TLL1: variants seen among roughly 807,000 people sequenced by gnomAD.
TLL1 encodes tolloid-like protein 1.
In TLL1, 49 loss-of-function variants were observed where a neutral mutation model predicts 128.2. That is an observed-to-expected ratio of 0.38 (90% CI 0.30 to 0.48). The LOEUF is 0.48. TLL1 is among the 20% of genes least tolerant of loss of function. The probability of loss-of-function intolerance (pLI) is 0.96; values close to 1 mark genes in which losing one functional copy is unlikely to be tolerated. For synonymous variants in TLL1, 454 were observed against 418.8 expected, an observed-to-expected ratio of 1.08 and a Z score of -1.03; for missense variants, 1,123 against 1,242.0, an observed-to-expected ratio of 0.90 and a Z score of 1.44.
At chr4:166,011,877 A>G (rs1737711159) in intron 7 of TLL1, among the ~76,000 whole-genome samples, 1 of 151,422 alleles carries the variant, frequency 6.6e-6, no homozygotes, top group Non-Finnish European at 1.5e-5. Flanking sequence ...CTTCTATATC[A>G]GCTAACATGA....
chr4:165,996,435 C>A (rs1736878335), intron 5 of TLL1, among the ~76,000 whole-genome samples: 1 of 151,996 alleles, frequency 6.6e-6, no homozygotes, highest in African/African-American at 2.4e-5. Flanking sequence ...ATGGTGAAAC[C>A]CTGTCTCTAC....
chr4:165,929,927 G>A (rs1733440795), intron 1 of TLL1, among the ~76,000 whole-genome samples: 1 of 152,136 alleles, frequency 6.6e-6, no homozygotes, highest in African/African-American at 2.4e-5. Flanking sequence ...ATATGATTAA[G>A]TTTGAAGTAG....
intron 18 of TLL1, among the ~76,000 whole-genome samples, chr4:166,089,531 A>G (rs1369196968): frequency 1.3e-5 from 2 of 152,148 alleles, no homozygotes; most frequent in African/African-American, 2.4e-5. Context: ...GAGATTAACA[A>G]GTGACACATT....
At chr4:166,051,299 T>TTTCCTTCCTTCTTTCCTTCCTTCCTTCC (rs1739718503) in intron 12 of TLL1, among the ~76,000 whole-genome samples, 2 of 126,420 alleles carry the variant, frequency 1.6e-5, no homozygotes, top group Admixed American at 8.4e-5. Context: ...CCCTCCCTCC[T>TTTCCTTCCTTCTTTCCTTCCTTCCTTCC]TTCCTTCCTT....
intron 1 of TLL1, among the ~76,000 whole-genome samples, chr4:165,956,961 A>G (rs1579540000): frequency 6.6e-6 from 1 of 152,068 alleles, no homozygotes; most frequent in Non-Finnish European, 1.5e-5. Context: ...TGCATCTACA[A>G]AACAACCAGC....
intron 1 of TLL1, among the ~76,000 whole-genome samples, chr4:165,970,697 G>A (rs539202167): frequency 3.9e-5 from 6 of 152,066 alleles, no homozygotes; most frequent in East Asian, 1.9e-4. Flanking sequence ...AATGACACAC[G>A]ATAATGATTC....
chr4:165,961,900 A>T (rs1735124013), intron 1 of TLL1, among the ~76,000 whole-genome samples: 1 of 152,158 alleles, frequency 6.6e-6, no homozygotes, highest in Admixed American at 6.6e-5. Flanking sequence ...AAAGCTTTTG[A>T]TATAATCCTG....
intron 18 of TLL1, among the ~76,000 whole-genome samples, chr4:166,088,171 T>G (rs1741608901): frequency 6.6e-6 from 1 of 152,120 alleles, no homozygotes; most frequent in Non-Finnish European, 1.5e-5. Context: ...CTGTCTCCAT[T>G]GTGAACTTCC....
At chr4:165,983,937 A>G (rs991571673) in intron 1 of TLL1, among the ~76,000 whole-genome samples, 4 of 151,862 alleles carry the variant, frequency 2.6e-5, no homozygotes, top group Non-Finnish European at 5.9e-5. Flanking sequence ...TAACTCATTA[A>G]TAGTACTTTA....
At chr4:166,057,146 T>C in intron 13 of TLL1, 38 bp from the exon 14 acceptor site, 4 of 1,612,124 alleles carry the variant, frequency 2.5e-6, no homozygotes, top group Non-Finnish European at 3.4e-6. Context: ...CACACATATA[T>C]ATGTATAGTT....
At chr4:165,914,646 G>A (rs1016887208) in intron 1 of TLL1, among the ~76,000 whole-genome samples, 1 of 152,178 alleles carries the variant, frequency 6.6e-6, no homozygotes, top group Non-Finnish European at 1.5e-5. Context: ...TCTGTGATGA[G>A]TTCCTCTTGC....
Position 166,091,340 on chromosome 4 carries a change from A to G in TLL1, c.2655A>G (p.Thr885=). The stretch of plus-strand genomic sequence containing the variant: ...AAGGCTTTCAAGCTACACATTCTAC[A>G]GGTCAGCAAATTCAAGTCATGCTTC... The part of the protein sequence containing the change: ...QRKGFQATHS[T]ECGGRLKAES... Residue 885 remains threonine, a splice_region_variant and synonymous_variant, in exon 19 of 21, where the codon ACA becomes ACG. Transcript: ENST00000061240. The G allele has an allele frequency of 6.2e-7, 1 of 1,611,930 alleles. No individual in the cohort carries two copies. Among genetic ancestry groups the G allele is most frequent in the Non-Finnish European group, 8.5e-7 (1 of 1,178,876 alleles).
At chr4:166,020,551 A>G (rs1738172007) in intron 8 of TLL1, among the ~76,000 whole-genome samples, 1 of 152,054 alleles carries the variant, frequency 6.6e-6, no homozygotes, top group Non-Finnish European at 1.5e-5. Context: ...CCCTTTTTCT[A>G]TGATTCTCAT....
chr4:166,042,230 A>T (rs1195335296), intron 11 of TLL1, 87 bp downstream of exon 11: 2 of 873,970 alleles, frequency 2.3e-6, no homozygotes, highest in African/African-American at 3.3e-5. Context: ...TGACATTGTG[A>T]CCATATTGTA....
chr4:166,009,149 GA>G (rs1240711205), intron 7 of TLL1, among the ~76,000 whole-genome samples: 14 of 151,432 alleles, frequency 9.2e-5, no homozygotes, highest in African/African-American at 3.4e-4. Flanking sequence ...TTTAAGTTTT[GA>G]TAGAAATAAC....
At chr4:165,920,482 A>G (rs1037103518) in intron 1 of TLL1, among the ~76,000 whole-genome samples, 4 of 152,252 alleles carry the variant, frequency 2.6e-5, no homozygotes, top group Non-Finnish European at 4.4e-5. Context: ...AAATTGTATC[A>G]GAAAATACTT....
chr4:166,009,972 TTC>T (rs1737611975), intron 7 of TLL1, among the ~76,000 whole-genome samples: 1 of 151,386 alleles, frequency 6.6e-6, no homozygotes, highest in Non-Finnish European at 1.5e-5. Context: ...ATTAAACAAC[TTC>T]TCTTTTCTAC....
chr4:166,054,650 G>T (rs912495208), intron 12 of TLL1, among the ~76,000 whole-genome samples: 1 of 144,466 alleles, frequency 6.9e-6, no homozygotes, highest in Non-Finnish European at 1.5e-5. Flanking sequence ...CCACCTATGA[G>T]TGAGAATATG....
chr4:165,885,760 A>G (rs1404203714), intron 1 of TLL1, among the ~76,000 whole-genome samples: 1 of 152,160 alleles, frequency 6.6e-6, no homozygotes, highest in Non-Finnish European at 1.5e-5. Flanking sequence ...GGATGAGGGA[A>G]AGCCTATTCT....
Sources: allele counts gnomAD v4.1 joint callset (sites outside exome capture counted in the v4.1 genomes callset), GRCh38; gene constraint gnomAD v4.1.1; transcripts MANE v1.5; gene names NCBI Gene and HGNC (gene_info 2026-07-23, HGNC 2026-07-21).